Variants in BRPF3 observed in about 807,000 individuals in gnomAD.
The protein encoded by BRPF3 is bromodomain and PHD finger containing 3.
In BRPF3, 18 loss-of-function variants were observed where a neutral mutation model predicts 102.0. That is an observed-to-expected ratio of 0.18 (90% CI 0.12 to 0.26). The LOEUF (loss-of-function observed/expected upper bound fraction) is 0.26, where lower values mean the gene tolerates loss of function less well. Ranked by LOEUF, BRPF3 falls within the 10% of genes least tolerant of loss-of-function variation. The pLI, the probability that BRPF3 is intolerant of heterozygous loss-of-function variation, is 1.00. For synonymous variants in BRPF3, 570 were observed against 614.2 expected (o/e 0.93, Z 1.06); for missense variants, 1,147 against 1,567.8 (o/e 0.73, Z 4.53).
chr6:36,207,039 G>C (rs1767929409), intron 3 of BRPF3, among the ~76,000 whole-genome samples: 1 of 152,164 alleles, frequency 6.6e-6, no homozygotes, highest in Admixed American at 6.5e-5. Context: ...GACCCAGAGG[G>C]CCATAGCTGC....
At chr6:36,220,352 G>A (rs927490271) in intron 9 of BRPF3, among the ~76,000 whole-genome samples, 5 of 152,160 alleles carry the variant, frequency 3.3e-5, no homozygotes, top group Admixed American at 6.5e-5. Context: ...TGACTGCATG[G>A]TATGTGCTGT....
At position 36,201,294 on chromosome 6, in the gene BRPF3, C is replaced by G; in HGVS notation, c.972C>G (p.Thr324=). The change falls in exon 2 of 13, where the codon ACC becomes ACG. Residue 324 remains threonine (T), a synonymous_variant. Transcript: ENST00000357641. This position sits in a 1 kb window ranked among gnomAD's most constrained non-coding sequence, Gnocchi z 5.1. The part of the protein sequence containing the change: ...DNIPPARWKL[T]CYICKQKGLG... ...TCCCGCCTGCCCGCTGGAAACTAAC[C>G]TGCTATATCTGCAAGCAGAAAGGGC... The G allele has an allele frequency of 6.2e-7, 1 of 1,614,154 alleles. No homozygotes were observed. The highest frequency in any genetic ancestry group is 2.2e-5 in the East Asian group (1 of 44,876).
chr6:36,226,553 A>G (rs1768747052), intron 11 of BRPF3, among the ~76,000 whole-genome samples: 1 of 152,194 alleles, frequency 6.6e-6, no homozygotes, highest in African/African-American at 2.4e-5. Flanking sequence ...AATATTTTTT[A>G]GAAAACATCC....
chr6:36,231,364 A>G lies in BRPF3; in HGVS notation c.*755A>G, dbSNP rs1166147017. On this transcript the variant is annotated 3_prime_UTR_variant, in exon 13 of 13. Coordinates refer to ENST00000357641, the MANE Select transcript of BRPF3 (RefSeq NM_015695.3). The stretch of plus-strand genomic sequence containing the variant: ...GACCTTCCCTTTAGCTGTTGACACA[A>G]CTTCCCAGCTCTGCAAGTGTGCCCC... 2.0e-5 allele frequency: 3 copies of G among 152,010 alleles called. No individual in the cohort carries two copies. The highest frequency in any genetic ancestry group is 2.9e-5 in the Non-Finnish European group (2 of 67,974). The allele number at this position is 152,010 out of a possible 1,614,324, so 9.4% of individuals were successfully genotyped here. A position where few individuals can be genotyped will look rare whatever the true frequency, so the allele number is the denominator to read the frequency against.
At chr6:36,211,199 C>A in intron 6 of BRPF3, 59 bp from the exon 7 acceptor site, 1 of 1,541,658 alleles carries the variant, frequency 6.5e-7, no homozygotes, top group Non-Finnish European at 8.8e-7. Flanking sequence ...CGGCCCCTTT[C>A]TCTTGCCCTG....
At chr6:36,225,477 A>T (rs1043914346) in intron 11 of BRPF3, 113 bp downstream of exon 11, 7 of 922,774 alleles carry the variant, frequency 7.6e-6, no homozygotes, top group South Asian at 1.7e-5. Context: ...TTAGCTGTAG[A>T]GGGGAGGGGG....
intron 10 of BRPF3, among the ~76,000 whole-genome samples, chr6:36,222,691 T>G (rs142688931): frequency 1.3e-5 from 2 of 152,324 alleles, no homozygotes; most frequent in African/African-American, 4.8e-5. Flanking sequence ...TTTTTCCAGC[T>G]AATAATATAT....
intron 12 of BRPF3, among the ~76,000 whole-genome samples, chr6:36,229,833 TA>T (rs1768873916): frequency 6.6e-6 from 1 of 152,200 alleles, no homozygotes; most frequent in East Asian, 1.9e-4. Context: ...AAGTCTTCAT[TA>T]ATCCCCTCAT....
At position 36,200,959 on chromosome 6, in the gene BRPF3, G is replaced by A. The variant is rs1767676625; in HGVS notation, c.637G>A (p.Ala213Thr). ...CCAACAGTCACTCATCGATGAAGAC[G>A]CTTTCTGCTGTGTGTGCCTGGATGA... ...GAQQSLIDED[A>T]FCCVCLDDEC... The change falls in exon 2 of 13, where the codon GCT becomes ACT. Residue 213 changes from alanine (A) to threonine (T), a missense_variant. This residue lies in a region of BRPF3 where 221 missense variants were observed against 337.1 expected (regional missense o/e 0.66). Coordinates refer to ENST00000357641, the MANE Select transcript of BRPF3 (RefSeq NM_015695.3). This position sits in a 1 kb window ranked among gnomAD's most constrained non-coding sequence, Gnocchi z 5.3. The A allele has an allele frequency of 1.2e-6, 2 of 1,614,166 alleles. No homozygotes were observed. The highest frequency in any genetic ancestry group is 1.7e-6 in the Non-Finnish European group (2 of 1,180,024).
chr6:36,204,386 C>A, intron 2 of BRPF3: 1 of 469,682 alleles, frequency 2.1e-6, no homozygotes, highest in African/African-American at 2.0e-5. Flanking sequence ...AAGTCCAGGA[C>A]CATAGGAAAC....
Position 36,200,537 on chromosome 6 carries a change from C to T in BRPF3, c.215C>T (p.Thr72Ile), listed in dbSNP as rs372105079. The change falls in exon 2 of 13, where the codon ACC (threonine) becomes ATC (isoleucine). Residue 72 changes from threonine to isoleucine, a missense_variant. Thr to Ile is a moderately conservative substitution (Grantham distance 89, BLOSUM62 -1). Transcript: ENST00000357641. The surrounding 1 kb of genome is among the most constrained non-coding windows in gnomAD (Gnocchi z 5.3). ...GATGAGCTAACTGCCCAGGATATCACCGAATGCAATAGTAACAAGGAAAAC... is the reference window on the plus strand; with the variant it reads ...GATGAGCTAACTGCCCAGGATATCATCGAATGCAATAGTAACAAGGAAAAC... ...TEDELTAQDITECNSNKENSE... is the reference protein window; with the variant it reads ...TEDELTAQDIIECNSNKENSE... 11 of 1,614,210 alleles carry T rather than the reference C, an allele frequency of 6.8e-6. No individual in the cohort carries two copies. The highest frequency in any genetic ancestry group is 8.5e-6 in the Non-Finnish European group (10 of 1,180,046).
In BRPF3 at chr6:36,212,075, C is replaced by T. The variant is rs553114651; in HGVS notation, c.2482+515C>T. Among the ~76,000 whole-genome samples the T allele has an allele frequency of 2.6e-5, 4 of 152,294 alleles. No homozygotes were observed. The East Asian group carries it at 7.7e-4, about 29-fold the overall frequency. Reference sequence around the variant, plus strand: ...TTTTTACCCCATCTGGCTGAATCTACAGGCCCATCTCAAGTAGAGAGGCCA... The same window carrying T: ...TTTTTACCCCATCTGGCTGAATCTATAGGCCCATCTCAAGTAGAGAGGCCA... On this transcript the variant is annotated intron_variant, in intron 7 of 12. Transcript: ENST00000357641.
At chr6:36,220,072 A>G (rs1234658000) in intron 9 of BRPF3, among the ~76,000 whole-genome samples, 1 of 152,250 alleles carries the variant, frequency 6.6e-6, no homozygotes, top group Non-Finnish European at 1.5e-5. Flanking sequence ...ATGTTAAACC[A>G]GTAAATAAGA....
rs1216828298 is a variant in BRPF3, at chr6:36,204,826, G to A, written c.1605+12G>A. ...GAAACGCTGAGCAGGTAGGTGCAGTGGTGATTTGAGGCTGGTAGAGGGAGG... is the reference window on the plus strand; with the variant it reads ...GAAACGCTGAGCAGGTAGGTGCAGTAGTGATTTGAGGCTGGTAGAGGGAGG... On this transcript the variant is annotated intron_variant, in intron 3 of 12. Coordinates refer to ENST00000357641, the MANE Select transcript of BRPF3 (RefSeq NM_015695.3). The A allele has an allele frequency of 1.2e-6, 2 of 1,610,132 alleles. No homozygotes were observed. The highest frequency in any genetic ancestry group is 2.2e-5 in the South Asian group (2 of 91,024).
Position 36,201,520 on chromosome 6 carries a change from T to A in BRPF3, c.1198T>A (p.Ser400Thr). The A allele has an allele frequency of 6.2e-7, 1 of 1,613,880 alleles. No individual in the cohort carries two copies. Among genetic ancestry groups the A allele is most frequent in the East Asian group, 2.2e-5 (1 of 44,862 alleles). Residue 400 changes from serine (S) to threonine (T), a missense_variant, in exon 2 of 13, where the codon TCC becomes ACC. By Grantham distance (58) the Ser-to-Thr change is moderately conservative (BLOSUM62 1). This residue lies in a region of BRPF3 where 157 missense variants were observed against 163.6 expected (regional missense o/e 0.96). Transcript: ENST00000357641. This position sits in a 1 kb window ranked among gnomAD's most constrained non-coding sequence, Gnocchi z 5.1. ...GAATARRKGD[S>T]PRSISETGDE... ...GGCCACTGCTAGGAGGAAGGGCGAC[T>A]CCCCTAGAAGCATCAGTGAGACTGG...
chr6:36,224,781 G>C (rs1442704247), intron 10 of BRPF3, among the ~76,000 whole-genome samples: 1 of 152,148 alleles, frequency 6.6e-6, no homozygotes, highest in Non-Finnish European at 1.5e-5. Flanking sequence ...CTAGTTCAGA[G>C]GTCGGTAAAC....
In BRPF3 at chr6:36,213,962, G is replaced by A. The variant is rs754213877; in HGVS notation, c.2565G>A (p.Glu855=). The change falls in exon 8 of 13, where the codon GAG becomes GAA. Residue 855 remains glutamate, a synonymous_variant. Coordinates refer to ENST00000357641, the MANE Select transcript of BRPF3 (RefSeq NM_015695.3). ...TGTCTGAGCAAGAATCCCCCCCGGA[G>A]CCCCCTACTCTGAAACCCATTAATG... ...PSLSEQESPP[E]PPTLKPINDS... is the part of the protein sequence containing the mutation. 1 of 1,613,864 alleles carries A rather than the reference G, an allele frequency of 6.2e-7. No homozygotes were observed. The highest frequency in any genetic ancestry group is 8.5e-7 in the Non-Finnish European group (1 of 1,179,982).
chr6:36,200,297 G>C lies in BRPF3; in HGVS notation c.-26G>C, dbSNP rs763208800. On this transcript the variant is annotated splice_region_variant and 5_prime_UTR_variant, in exon 2 of 13. Coordinates refer to ENST00000357641, the MANE Select transcript of BRPF3 (RefSeq NM_015695.3). The surrounding 1 kb of genome is among the most constrained non-coding windows in gnomAD (Gnocchi z 5.3). ...TAGTCTCCTGGCCTTCTCTCCTTAG[G>C]CCTGTCCCCTCAGTTCCCAGGTGCC... 1.9e-6 allele frequency: 3 copies of C among 1,603,430 alleles called. No homozygotes were observed. In the Admixed American group the frequency reaches 5.1e-5, roughly 27 times the overall value.
chr6:36,222,192 C>T lies in BRPF3; in HGVS notation c.3108C>T (p.Ser1036=), dbSNP rs1363644206. Residue 1036 remains serine (S), a synonymous_variant, in exon 10 of 13, where the codon AGC becomes AGT. Coordinates refer to ENST00000357641, the MANE Select transcript of BRPF3 (RefSeq NM_015695.3). ...GTGGTCTGACGCCCCCCAAACGCAGCCGTGGGAAGCCAGCCCTGTCTCGAG... is the reference window on the plus strand; with the variant it reads ...GTGGTCTGACGCCCCCCAAACGCAGTCGTGGGAAGCCAGCCCTGTCTCGAG... ...ACSGLTPPKR[S]RGKPALSRVP... The T allele has an allele frequency of 2.6e-6, 4 of 1,550,326 alleles. No homozygotes were observed. The highest frequency in any genetic ancestry group is 1.4e-5 in the African/African-American group (1 of 73,006).
Sources: gnomAD v4.1 joint callset for allele counts (sites outside exome capture counted in the v4.1 genomes callset) on GRCh38, gnomAD v4.1.1 for gene constraint, gnomAD v4.1.1 regional missense constraint, Gnocchi (gnomAD v3.1) non-coding constraint, MANE v1.5 for transcripts, NCBI Gene and HGNC (gene_info 2026-07-23, HGNC 2026-07-21) for gene names.